Variants in FNDC3A observed in about 807,000 individuals in gnomAD.
The protein encoded by FNDC3A is fibronectin type-III domain-containing protein 3A.
In FNDC3A, 32 loss-of-function variants were observed where a neutral mutation model predicts 148.9. The observed-to-expected ratio is 0.21, with a 90% CI of 0.16 to 0.29. The LOEUF (loss-of-function observed/expected upper bound fraction) is 0.29, where lower values mean the gene tolerates loss of function less well. FNDC3A is among the 10% of genes least tolerant of loss of function. The pLI is 1.00. For missense variants in FNDC3A, 1,191 were observed against 1,452.8 expected (o/e 0.82, Z 2.93); for synonymous variants, 472 against 473.6 (o/e 1.00, Z 0.04).
chr13:49,075,472 G>T, intron 3 of FNDC3A, 108 bp downstream of exon 3: 1 of 618,610 alleles, frequency 1.6e-6, no homozygotes, highest in Non-Finnish European at 2.9e-6. Flanking sequence ...CTCACTACCA[G>T]CACACAAAAG....
intron 2 of FNDC3A, among the ~76,000 whole-genome samples, chr13:49,013,551 T>C (rs1952411111): frequency 6.6e-6 from 1 of 151,750 alleles, no homozygotes. Flanking sequence ...TACATGTGTA[T>C]ACATATGTAC....
chr13:49,001,406 A>C (rs1952123637), intron 1 of FNDC3A, among the ~76,000 whole-genome samples: 1 of 152,204 alleles, frequency 6.6e-6, no homozygotes, highest in Non-Finnish European at 1.5e-5. Context: ...CTGTTTGAAC[A>C]ATATGAAATC....
chr13:49,071,851 A>G (rs996744445), intron 2 of FNDC3A, among the ~76,000 whole-genome samples: 36 of 150,704 alleles, frequency 2.4e-4, no homozygotes, highest in East Asian at 2.0e-4. Flanking sequence ...CTTTGTTTCT[A>G]TTTGTTTTTA....
intron 1 of FNDC3A, among the ~76,000 whole-genome samples, chr13:48,984,868 A>G (rs1951759509): frequency 6.6e-6 from 1 of 151,980 alleles, no homozygotes; most frequent in South Asian, 2.1e-4. Context: ...TATTTTTAGT[A>G]GAGACGGGGT....
At chr13:49,014,738 C>T (rs1182394092) in intron 2 of FNDC3A, among the ~76,000 whole-genome samples, 1 of 115,704 alleles carries the variant, frequency 8.6e-6, no homozygotes, top group East Asian at 2.4e-4. Flanking sequence ...TTAGGTCTAA[C>T]GTTTAAGTCT....
intron 5 of FNDC3A, among the ~76,000 whole-genome samples, chr13:49,132,071 A>T (rs1232566536): frequency 6.6e-6 from 1 of 152,312 alleles, no homozygotes; most frequent in African/African-American, 2.4e-5. Context: ...GTTTGCTCAA[A>T]TGAAAGCCAG....
chr13:49,026,422 T>TA, intron 2 of FNDC3A, among the ~76,000 whole-genome samples: 1 of 152,364 alleles, frequency 6.6e-6, no homozygotes, highest in South Asian at 2.1e-4. Context: ...TCTGTATGTT[T>TA]AAAATATGAT....
chr13:49,151,432 G>A (rs1016577190), intron 8 of FNDC3A, among the ~76,000 whole-genome samples: 4 of 152,030 alleles, frequency 2.6e-5, no homozygotes, highest in Non-Finnish European at 5.9e-5. Flanking sequence ...ATGGATTATC[G>A]TTTTCCATCC....
chr13:49,202,129 A>G (rs1200708463), intron 24 of FNDC3A, among the ~76,000 whole-genome samples, 163 bp downstream of exon 24: 1 of 152,250 alleles, frequency 6.6e-6, no homozygotes, highest in East Asian at 1.9e-4. Flanking sequence ...GTTCCACTCA[A>G]TAATAAAAGC....
intron 17 of FNDC3A, 139 bp downstream of exon 17, chr13:49,188,772 A>G: frequency 1.5e-6 from 1 of 659,348 alleles, no homozygotes; most frequent in Admixed American, 2.4e-5. Flanking sequence ...GGTTAATTTG[A>G]TAGTGACCAA....
At chr13:49,114,818 C>T (rs1386303654) in intron 4 of FNDC3A, 87 bp downstream of exon 4, 2 of 913,684 alleles carry the variant, frequency 2.2e-6, no homozygotes, top group African/African-American at 3.3e-5. Context: ...TTAAAAAAAC[C>T]ATTTAATTAC....
intron 8 of FNDC3A, among the ~76,000 whole-genome samples, chr13:49,152,565 G>A (rs978633823): frequency 1.3e-4 from 19 of 151,882 alleles, no homozygotes; most frequent in Non-Finnish European, 2.5e-4. Context: ...CATTGTGCAG[G>A]TTAGTTACAT....
chr13:49,089,834 A>G (rs1020322062), intron 3 of FNDC3A, among the ~76,000 whole-genome samples: 1 of 152,250 alleles, frequency 6.6e-6, no homozygotes, highest in Non-Finnish European at 1.5e-5. Flanking sequence ...ATGAATGGGT[A>G]CTTTTTAAAA....
intron 2 of FNDC3A, among the ~76,000 whole-genome samples, chr13:49,022,518 C>T (rs1464039454): frequency 6.6e-6 from 1 of 152,114 alleles, no homozygotes; most frequent in Non-Finnish European, 1.5e-5. Flanking sequence ...TAAATATATG[C>T]ATTTAAAAAT....
chr13:49,106,615 T>C (rs1880190833), intron 3 of FNDC3A, among the ~76,000 whole-genome samples: 1 of 152,214 alleles, frequency 6.6e-6, no homozygotes, highest in East Asian at 1.9e-4. Flanking sequence ...CCAGCCTCTC[T>C]TTTTTATTTT....
chr13:49,013,645 T>C (rs545767871), intron 2 of FNDC3A, among the ~76,000 whole-genome samples: 45 of 150,476 alleles, frequency 3.0e-4, no homozygotes, highest in Non-Finnish European at 3.4e-4. Flanking sequence ...TACATGTACA[T>C]GTGTATACAT....
rs567447435 is a variant in FNDC3A at position 49,010,832 on chromosome 13, A to G, written c.99+4543A>G. Among the ~76,000 whole-genome samples the G allele has an allele frequency of 4.6e-5, 7 of 152,304 alleles. No homozygotes were observed. In the South Asian group the frequency reaches 1.5e-3, roughly 32 times the overall value. On this transcript the variant is annotated intron_variant, in intron 2 of 25. Transcript: ENST00000492622. ...GACTTTTCTCTGTAGTTTTATCTAT[A>G]TATACTTCACTATACAACAATACTG... is the stretch of plus-strand genomic sequence containing the variant.
chr13:49,012,681 G>A (rs965840355), intron 2 of FNDC3A, among the ~76,000 whole-genome samples: 2 of 152,064 alleles, frequency 1.3e-5, no homozygotes, highest in African/African-American at 2.4e-5. Flanking sequence ...TGAAGTTGGT[G>A]TATTCATGCA....
At chr13:49,194,080 G>A (rs1431812362) in intron 19 of FNDC3A, among the ~76,000 whole-genome samples, 1 of 151,994 alleles carries the variant, frequency 6.6e-6, no homozygotes, top group East Asian at 1.9e-4. Flanking sequence ...GGCCAACATC[G>A]GGAAACCCCA....
Sources: gnomAD v4.1 joint callset for allele counts (sites outside exome capture counted in the v4.1 genomes callset) on GRCh38, gnomAD v4.1.1 for gene constraint, MANE v1.5 for transcripts, NCBI Gene and HGNC (gene_info 2026-07-23, HGNC 2026-07-21) for gene names.